Variants in NRCAM observed in about 807,000 individuals in gnomAD.
NRCAM encodes the protein neuronal cell adhesion molecule.
Under a neutral mutation model 156.5 loss-of-function variants are expected in NRCAM, and 83 were observed. The ratio of observed to expected loss-of-function variants is 0.53; its 90% CI spans 0.44 to 0.64. The LOEUF is 0.64. Ranked by LOEUF, NRCAM falls within the 30% of genes least tolerant of loss-of-function variation. The probability of loss-of-function intolerance (pLI) is 0.00; values close to 1 mark genes in which losing one functional copy is unlikely to be tolerated. For synonymous variants in NRCAM, 538 were observed against 563.9 expected, an observed-to-expected ratio of 0.95 and a Z score of 0.65; for missense variants, 1,417 against 1,597.3, an observed-to-expected ratio of 0.89 and a Z score of 1.92.
At chr7:108,216,771 TTA>T (rs1211154343) in intron 11 of NRCAM, among the ~76,000 whole-genome samples, 1 of 152,164 alleles carries the variant, frequency 6.6e-6, no homozygotes, top group African/African-American at 2.4e-5. Flanking sequence ...ATCCGGTCAT[TTA>T]TGTTCTTCTC....
intron 2 of NRCAM, among the ~76,000 whole-genome samples, chr7:108,343,692 T>G (rs539447624): frequency 2.0e-5 from 3 of 152,278 alleles, no homozygotes; most frequent in Admixed American, 1.3e-4. Context: ...GGAAATTACT[T>G]AAAACCCTTC....
At chr7:108,296,666 A>AT (rs2098460211) in intron 3 of NRCAM, among the ~76,000 whole-genome samples, 1 of 152,110 alleles carries the variant, frequency 6.6e-6, no homozygotes, top group Admixed American at 6.5e-5. Flanking sequence ...GAGAATAGAT[A>AT]TTTTTTACTG....
chr7:108,252,889 A>G (rs2096437897), intron 3 of NRCAM, among the ~76,000 whole-genome samples: 1 of 152,260 alleles, frequency 6.6e-6, no homozygotes, highest in African/African-American at 2.4e-5. Context: ...ATTGATAATA[A>G]TCTCTACATT....
intron 1 of NRCAM, among the ~76,000 whole-genome samples, chr7:108,451,358 G>GGCA (rs1307107326): frequency 1.3e-5 from 2 of 152,112 alleles, no homozygotes; most frequent in African/African-American, 4.8e-5. Flanking sequence ...GCGCATTGTT[G>GGCA]GCAGAAATGT....
At chr7:108,283,724 T>C (rs1238349240) in intron 3 of NRCAM, among the ~76,000 whole-genome samples, 1 of 152,228 alleles carries the variant, frequency 6.6e-6, no homozygotes, top group Non-Finnish European at 1.5e-5. Flanking sequence ...CTTTTCAGTG[T>C]TCCACTCCCT....
At chr7:108,287,429 T>G (rs1003537951) in intron 3 of NRCAM, among the ~76,000 whole-genome samples, 4 of 151,800 alleles carry the variant, frequency 2.6e-5, no homozygotes, top group Admixed American at 6.6e-5. Context: ...AAACAATGCA[T>G]CCAACAAAGG....
In NRCAM at chr7:108,160,424, G is replaced by A; in HGVS notation, c.3535C>T (p.Leu1179Phe). The part of the protein sequence containing the change: ...WFIGLMCAVA[L>F]LILILLIVCF... The stretch of plus-strand genomic sequence containing the variant: ...ACAATCAGCAAAATTAAGATAAGGA[G>A]AGCAACAGCACACATCAGACCAATG... Residue 1179 changes from leucine to phenylalanine, a missense_variant, in exon 31 of 33, where the codon CTC becomes TTC. Physicochemically the swap from Leu to Phe is conservative, Grantham distance 22 (BLOSUM62 0). Coordinates refer to ENST00000379028, the MANE Select transcript of NRCAM (RefSeq NM_001037132.4). 1 of 1,613,616 alleles carries A rather than the reference G, an allele frequency of 6.2e-7. No homozygotes were observed. Among genetic ancestry groups the A allele is most frequent in the Non-Finnish European group, 8.5e-7 (1 of 1,179,646 alleles).
intron 2 of NRCAM, among the ~76,000 whole-genome samples, chr7:108,332,700 T>C (rs1406237901): frequency 2.6e-5 from 4 of 152,212 alleles, no homozygotes; most frequent in Admixed American, 2.6e-4. Context: ...CAACACTTTA[T>C]ATAGCGCCTC....
At chr7:108,232,230 C>T in intron 7 of NRCAM, 96 bp downstream of exon 7, 2 of 891,022 alleles carry the variant, frequency 2.2e-6, no homozygotes, top group Admixed American at 2.7e-5. Context: ...AGCAATGCCA[C>T]TGCTTTGTTG....
intron 10 of NRCAM, among the ~76,000 whole-genome samples, chr7:108,224,450 C>G (rs2093055456): frequency 6.6e-6 from 1 of 151,968 alleles, no homozygotes; most frequent in South Asian, 2.1e-4. Flanking sequence ...AAATGGAAAT[C>G]ATTTTCCTCA....
intron 5 of NRCAM, among the ~76,000 whole-genome samples, chr7:108,235,634 C>T (rs1183024494): frequency 6.6e-6 from 1 of 152,176 alleles, no homozygotes; most frequent in Non-Finnish European, 1.5e-5. Flanking sequence ...GCTGTTTACA[C>T]AGACCAGTGG....
chr7:108,332,917 T>C (rs968270130), intron 2 of NRCAM, among the ~76,000 whole-genome samples: 4 of 152,036 alleles, frequency 2.6e-5, no homozygotes, highest in African/African-American at 4.8e-5. Flanking sequence ...TAACAAGAGA[T>C]AGAAATAAGA....
At chr7:108,167,217 A>G (rs1173952043) in intron 29 of NRCAM, 144 bp from the exon 30 acceptor site, 1 of 621,842 alleles carries the variant, frequency 1.6e-6, no homozygotes, top group Non-Finnish European at 2.8e-6. Context: ...TTATAAATGT[A>G]GTCATGTCAA....
At chr7:108,441,527 C>G (rs1385063322) in intron 1 of NRCAM, among the ~76,000 whole-genome samples, 2 of 152,232 alleles carry the variant, frequency 1.3e-5, no homozygotes, top group East Asian at 1.9e-4. Flanking sequence ...AACTGTAACT[C>G]TCACCATGCA....
At chr7:108,393,080 C>T (rs1041431017) in intron 2 of NRCAM, among the ~76,000 whole-genome samples, 1 of 152,168 alleles carries the variant, frequency 6.6e-6, no homozygotes, top group Non-Finnish European at 1.5e-5. Flanking sequence ...AGAACCACTA[C>T]TCTCTTCAAA....
At chr7:108,261,313 T>C (rs1380978635) in intron 3 of NRCAM, among the ~76,000 whole-genome samples, 10 of 152,198 alleles carry the variant, frequency 6.6e-5, no homozygotes, top group Non-Finnish European at 2.9e-5. Flanking sequence ...GCCCAAGCAC[T>C]GCTCTCTTTG....
intron 32 of NRCAM, among the ~76,000 whole-genome samples, chr7:108,155,872 T>G (rs572969567): frequency 6.6e-6 from 1 of 152,246 alleles, no homozygotes; most frequent in Non-Finnish European, 1.5e-5. Flanking sequence ...ATATATCCTT[T>G]CCTTTCTCTT....
At chr7:108,234,094 G>C (rs2094634523) in intron 6 of NRCAM, among the ~76,000 whole-genome samples, 1 of 152,182 alleles carries the variant, frequency 6.6e-6, no homozygotes, top group African/African-American at 2.4e-5. Context: ...AAAGACAGCA[G>C]AGATCTTGGA....
chr7:108,266,605 C>T (rs1352634052), intron 3 of NRCAM, among the ~76,000 whole-genome samples: 3 of 152,202 alleles, frequency 2.0e-5, no homozygotes, highest in Non-Finnish European at 4.4e-5. Flanking sequence ...TCTTTTCTGT[C>T]TCTAGGTGCC....
Sources: gnomAD v4.1 joint callset for allele counts (sites outside exome capture counted in the v4.1 genomes callset) on GRCh38, gnomAD v4.1.1 for gene constraint, MANE v1.5 for transcripts, NCBI Gene and HGNC (gene_info 2026-07-23, HGNC 2026-07-21) for gene names.